The following GFRA1 variants were observed in gnomAD, a reference collection of about 807,000 sequenced individuals.
GFRA1 encodes GDNF family receptor alpha 1.
A neutral mutation model predicts 51.6 loss-of-function variants in GFRA1; 16 were observed. The observed-to-expected ratio is 0.31, with a 90% CI of 0.21 to 0.47. GFRA1 has a LOEUF of 0.47. GFRA1 is among the 20% of genes least tolerant of loss of function. The pLI, the probability that GFRA1 is intolerant of heterozygous loss-of-function variation, is 1.00. For missense variants in GFRA1, 530 were observed against 594.3 expected, an observed-to-expected ratio of 0.89 and a Z score of 1.13; for synonymous variants, 270 against 241.3, an observed-to-expected ratio of 1.12 and a Z score of -1.10.
chr10:116,174,305 A>G (rs1420540499), intron 5 of GFRA1, among the ~76,000 whole-genome samples: 3 of 152,214 alleles, frequency 2.0e-5, no homozygotes, highest in South Asian at 2.1e-4. Flanking sequence ...TATTTCAGAA[A>G]AGAGTGCTAA....
At chr10:116,239,583 G>GT (rs753154605) in intron 4 of GFRA1, among the ~76,000 whole-genome samples, 6 of 152,096 alleles carry the variant, frequency 3.9e-5, no homozygotes, top group Non-Finnish European at 8.8e-5. Context: ...AGATAAGAAC[G>GT]TAACTTAACA....
chr10:116,143,830 G>C (rs1441696751), intron 5 of GFRA1, among the ~76,000 whole-genome samples: 1 of 152,126 alleles, frequency 6.6e-6, no homozygotes, highest in Admixed American at 6.5e-5. Flanking sequence ...GTAATATAAG[G>C]CTCAAGTATC....
intron 5 of GFRA1, among the ~76,000 whole-genome samples, chr10:116,126,956 C>A (rs1042954680): frequency 9.2e-5 from 14 of 152,134 alleles, no homozygotes; most frequent in Middle Eastern, 3.2e-3. Flanking sequence ...CATGGATAAA[C>A]CTCGAGGACA....
rs183805127 is a variant in GFRA1 at position 116,142,228 on chromosome 10, C to T, written c.434-16671G>A. On this transcript the variant is annotated intron_variant, in intron 5 of 10. Coordinates refer to ENST00000355422, the MANE Select transcript of GFRA1 (RefSeq NM_005264.8). ...GTGGTTGTGTTTGTTATACACATCTCGGTATTTTGGTGTGTTGTGTTTTAA... is the reference window on the plus strand; with the variant it reads ...GTGGTTGTGTTTGTTATACACATCTTGGTATTTTGGTGTGTTGTGTTTTAA... 5.6e-4 allele frequency among the ~76,000 whole-genome samples: 86 copies of T among 152,260 alleles called. 1 individual carries two copies. Among genetic ancestry groups the T allele is most frequent in the Middle Eastern group, 6.8e-3 (2 of 294 alleles).
chr10:116,236,644 CTG>C (rs1339662420), intron 4 of GFRA1, among the ~76,000 whole-genome samples: 1 of 152,150 alleles, frequency 6.6e-6, no homozygotes, highest in Non-Finnish European at 1.5e-5. Flanking sequence ...GAAGGGGTAA[CTG>C]TTAGGATTAA....
chr10:116,184,989 G>T (rs377194754), intron 5 of GFRA1, among the ~76,000 whole-genome samples: 1 of 152,000 alleles, frequency 6.6e-6, no homozygotes, highest in African/African-American at 2.4e-5. Context: ...AAGCTTTTTT[G>T]TGTGTGTTTT....
intron 5 of GFRA1, among the ~76,000 whole-genome samples, chr10:116,127,119 G>C (rs1957912147): frequency 1.3e-5 from 2 of 151,564 alleles, no homozygotes; most frequent in African/African-American, 4.9e-5. Flanking sequence ...AAAAAATGGG[G>C]AGTTGCTCTT....
In GFRA1 at chr10:116,058,803, A is replaced by G. The variant is rs375727767; in HGVS notation, c.*5595T>C. 6.6e-6 allele frequency: 1 copy of G among 152,158 alleles called. No individual in the cohort carries two copies. The highest frequency in any genetic ancestry group is 1.5e-5 in the Non-Finnish European group (1 of 68,060). 9.4% of individuals were successfully genotyped at this position (152,158 alleles called of 1,614,324 possible). On this transcript the variant is annotated 3_prime_UTR_variant, in exon 11 of 11. Coordinates refer to ENST00000355422, the MANE Select transcript of GFRA1 (RefSeq NM_005264.8). ...AGCATTTGATGTTGCTTCTCAGGAT[A>G]CTGATGGAGAAGTTGTCACCCCTGG...
At chr10:116,122,120 TCAAGACAGTGTATAAAA>T (rs1957670581) in intron 6 of GFRA1, among the ~76,000 whole-genome samples, 1 of 152,072 alleles carries the variant, frequency 6.6e-6, no homozygotes, top group Non-Finnish European at 1.5e-5. Flanking sequence ...CAGGAAAGGC[TCAAGACAGTGTATAAAA>T]CCCATCAATC....
intron 9 of GFRA1, among the ~76,000 whole-genome samples, chr10:116,078,278 T>C (rs1955701406): frequency 6.6e-6 from 1 of 152,234 alleles, no homozygotes; most frequent in Non-Finnish European, 1.5e-5. Flanking sequence ...GAAAATGCTC[T>C]ATAAGCAGTT....
In GFRA1 at chr10:116,064,183, C is replaced by T. The variant is rs1277728087; in HGVS notation, c.*215G>A. On this transcript the variant is annotated 3_prime_UTR_variant, in exon 11 of 11. Coordinates refer to ENST00000355422, the MANE Select transcript of GFRA1 (RefSeq NM_005264.8). ...AAAATACAGCATATCCCAAAGCCTT[C>T]TGAGTTTGGATGGAGCACTGCATCA... 1 of 557,054 alleles carries T rather than the reference C, an allele frequency of 1.8e-6. No individual in the cohort carries two copies. Among genetic ancestry groups the T allele is most frequent in the Non-Finnish European group, 3.2e-6 (1 of 312,794 alleles). The allele number at this position is 557,054 out of a possible 1,614,324, so 34.5% of individuals were successfully genotyped here.
At chr10:116,108,728 C>A (rs1565580945) in intron 6 of GFRA1, among the ~76,000 whole-genome samples, 1 of 152,186 alleles carries the variant, frequency 6.6e-6, no homozygotes, top group Non-Finnish European at 1.5e-5. Flanking sequence ...CTCTGCGCCC[C>A]GAGCAGGGTG....
intron 4 of GFRA1, among the ~76,000 whole-genome samples, chr10:116,240,570 G>A (rs1967276080): frequency 6.6e-6 from 1 of 152,178 alleles, no homozygotes; most frequent in African/African-American, 2.4e-5. Context: ...TACTTGGGCG[G>A]AGTGAAACGA....
At chr10:116,189,223 C>A (rs754998159) in intron 5 of GFRA1, among the ~76,000 whole-genome samples, 2 of 152,168 alleles carry the variant, frequency 1.3e-5, no homozygotes, top group Non-Finnish European at 2.9e-5. Context: ...CTTCTTCCCC[C>A]ACGAAGGGCA....
rs185097963 is a variant in GFRA1 at position 116,242,631 on chromosome 10, G to A, written c.418+26872C>T. On this transcript the variant is annotated intron_variant, in intron 4 of 10. Transcript: ENST00000355422. ...CAAGTAGCTGAGACTACAGGCGCCC[G>A]CCTCCACGCCTAGTTAATTTTTGTA... 3.3e-5 allele frequency among the ~76,000 whole-genome samples: 5 copies of A among 152,028 alleles called. No homozygotes were observed. The East Asian group carries it at 5.8e-4, about 18-fold the overall frequency.
chr10:116,251,963 C>CTTTTTTTTT lies in GFRA1; in HGVS notation c.418+17531_418+17539dup, dbSNP rs3032041. Among the ~76,000 whole-genome samples, 53 of 79,820 alleles carry CTTTTTTTTT rather than the reference C, an allele frequency of 6.6e-4. 3 individuals carry two copies. The highest frequency in any genetic ancestry group is 8.8e-4 in the Non-Finnish European group (38 of 43,118). 52.4% of individuals were successfully genotyped at this position (79,820 alleles called of 152,430 possible). ...AGAGGACACAGACAACAATAGGCCT[C>CTTTTTTTTT]TTTTTTTTTTTTTTTTTTTTTTTTT... is the stretch of plus-strand genomic sequence containing the variant. On this transcript the variant is annotated intron_variant, in intron 4 of 10. Transcript: ENST00000355422.
intron 5 of GFRA1, among the ~76,000 whole-genome samples, chr10:116,179,856 G>C (rs12762746): frequency 0.55 from 84,273 of 151,908 alleles, 23,566 homozygotes; most frequent in Middle Eastern, 0.67. Flanking sequence ...CACGTTTTGT[G>C]CCTACAGAAA....
In GFRA1 at chr10:116,058,026, GTGTGTGTGTGT is replaced by G. The variant is rs1450873024; in HGVS notation, c.*6361_*6371del. 6.9e-3 allele frequency: 981 copies of G among 142,930 alleles called. 14 individuals carry two copies. Among genetic ancestry groups the G allele is most frequent in the African/African-American group, 0.025 (886 of 36,074 alleles). 8.9% of individuals were successfully genotyped at this position (142,930 alleles called of 1,614,324 possible). ...TGTGTGTGTGTGTGTGTGTGTGTGT[GTGTGTGTGTGT>G]GTGTGACAGAGAGAACCACGCTTTA... On this transcript the variant is annotated 3_prime_UTR_variant, in exon 11 of 11. Transcript: ENST00000355422.
At chr10:116,226,104 A>T (rs1966276692) in intron 4 of GFRA1, among the ~76,000 whole-genome samples, 1 of 152,134 alleles carries the variant, frequency 6.6e-6, no homozygotes, top group African/African-American at 2.4e-5. Flanking sequence ...TTGGAGGGGT[A>T]CTTTATTCAG....
Sources: gnomAD v4.1 joint callset for allele counts (sites outside exome capture counted in the v4.1 genomes callset) on GRCh38, gnomAD v4.1.1 for gene constraint, MANE v1.5 for transcripts, NCBI Gene and HGNC (gene_info 2026-07-23, HGNC 2026-07-21) for gene names.